Variants in ASB3 observed in about 807,000 individuals in gnomAD.
ASB3 encodes ankyrin repeat and SOCS box containing 3.
Under a neutral mutation model 54.5 loss-of-function variants are expected in ASB3, and 41 were observed. That is an observed-to-expected ratio of 0.75 (90% CI 0.59 to 0.98). The LOEUF (loss-of-function observed/expected upper bound fraction) is 0.98, where lower values mean the gene tolerates loss of function less well. ASB3 is among the 50% of genes least tolerant of loss of function. The pLI, the probability that ASB3 is intolerant of heterozygous loss-of-function variation, is 0.00. For synonymous variants in ASB3, 266 were observed against 221.2 expected, an observed-to-expected ratio of 1.20 and a Z score of -1.80; for missense variants, 733 against 620.0, an observed-to-expected ratio of 1.18 and a Z score of -1.94.
chr2:53,723,447 C>T (rs922516837), intron 5 of ASB3, among the ~76,000 whole-genome samples: 5 of 152,150 alleles, frequency 3.3e-5, no homozygotes, highest in East Asian at 1.9e-4. Context: ...GCAGTATACA[C>T]TGCACCCAAT....
intron 7 of ASB3, among the ~76,000 whole-genome samples, chr2:53,706,134 A>G (rs1669754890): frequency 6.6e-6 from 1 of 152,350 alleles, no homozygotes; most frequent in South Asian, 2.1e-4. Context: ...TTTAAAGATA[A>G]TGGAATGAGA....
intron 5 of ASB3, among the ~76,000 whole-genome samples, chr2:53,717,052 A>T (rs1268213298): frequency 6.6e-6 from 1 of 152,176 alleles, no homozygotes; most frequent in Non-Finnish European, 1.5e-5. Context: ...CCCTGTCTCT[A>T]TCAAAAATAA....
chr2:53,684,013 G>T (rs749109415), intron 9 of ASB3, among the ~76,000 whole-genome samples: 3 of 151,752 alleles, frequency 2.0e-5, no homozygotes, highest in African/African-American at 4.8e-5. Flanking sequence ...GTTTGCTCTG[G>T]CTTTTCTAGT....
In ASB3 at chr2:53,765,481, T is replaced by G. The variant is rs1447033314; in HGVS notation, c.92A>C (p.Lys31Thr). The G allele has an allele frequency of 8.1e-6, 13 of 1,614,120 alleles. No individual in the cohort carries two copies. Among genetic ancestry groups the G allele is most frequent in the Non-Finnish European group, 1.1e-5 (13 of 1,180,038 alleles). ...AGCAACATCGACACTTCGGCCCTTT[T>G]TGAGCAGTTTCCTTAAGACTTTAAC... ...GNVKVLRKLLKKGRSVDVADN... is the reference protein window; with the variant it reads ...GNVKVLRKLLTKGRSVDVADN... The change falls in exon 2 of 10, where the codon AAA (lysine) becomes ACA (threonine). Residue 31 changes from lysine (K) to threonine (T), a missense_variant. Coordinates refer to ENST00000263634, the MANE Select transcript of ASB3 (RefSeq NM_016115.5).
chr2:53,772,138 T>C (rs1281470468), intron 1 of ASB3, among the ~76,000 whole-genome samples: 1 of 152,070 alleles, frequency 6.6e-6, no homozygotes, highest in Non-Finnish European at 1.5e-5. Flanking sequence ...GAGTGCAAGG[T>C]AGACAACAAC....
chr2:53,781,774 C>G (rs564456049), intron 1 of ASB3, among the ~76,000 whole-genome samples: 1 of 152,186 alleles, frequency 6.6e-6, no homozygotes, highest in Non-Finnish European at 1.5e-5. Context: ...GGATTACAGG[C>G]GTGAGCCACC....
chr2:53,732,069 C>T (rs1256543568), intron 3 of ASB3, among the ~76,000 whole-genome samples: 2 of 152,154 alleles, frequency 1.3e-5, no homozygotes, highest in African/African-American at 2.4e-5. Flanking sequence ...TGCGATTCTT[C>T]TGCCTCAACC....
intron 1 of ASB3, among the ~76,000 whole-genome samples, chr2:53,772,200 A>G (rs1039420104): frequency 6.6e-6 from 1 of 152,066 alleles, no homozygotes; most frequent in African/African-American, 2.4e-5. Context: ...TTTGAGACAG[A>G]GTCTAGCTCT....
At chr2:53,763,571 T>C (rs1421999584) in intron 2 of ASB3, 1 of 169,352 alleles carries the variant, frequency 5.9e-6, no homozygotes, top group Admixed American at 6.5e-5. Flanking sequence ...TCCGTGGACA[T>C]TTTGGGACCA....
intron 2 of ASB3, among the ~76,000 whole-genome samples, chr2:53,758,590 A>G (rs1672967309): frequency 6.6e-6 from 1 of 152,208 alleles, no homozygotes. Context: ...CATGCTGGTA[A>G]AGGACCACTA....
At chr2:53,762,870 C>G (rs1403412709) in intron 2 of ASB3, among the ~76,000 whole-genome samples, 1 of 152,210 alleles carries the variant, frequency 6.6e-6, no homozygotes, top group Non-Finnish European at 1.5e-5. Flanking sequence ...CTTGAATGCT[C>G]TTCTCCAACT....
At chr2:53,712,745 AACACACACAC>A (rs3061604) in intron 7 of ASB3, among the ~76,000 whole-genome samples, 4 of 150,148 alleles carry the variant, frequency 2.7e-5, no homozygotes, top group South Asian at 2.1e-4. Context: ...CATCATATTG[AACACACACAC>A]ACACACACAC....
At position 53,670,561 on chromosome 2, in the gene ASB3, T is replaced by C. The variant is rs942042198; in HGVS notation, c.1499A>G (p.Tyr500Cys). 3 of 1,613,954 alleles carry C rather than the reference T, an allele frequency of 1.9e-6. No homozygotes were observed. Among genetic ancestry groups the C allele is most frequent in the South Asian group, 1.1e-5 (1 of 91,076 alleles). The change falls in exon 10 of 10, where the codon TAT becomes TGT. Residue 500 changes from tyrosine (Y) to cysteine (C), a missense_variant. By Grantham distance (194) the Tyr-to-Cys change is radical. Transcript: ENST00000263634. ...TTCATACATCCTCAGAACGTCTTCA[T>C]AGAGCAAATAATTATGTAGGCTTCT... ...LPRSLHNYLL[Y>C]EDVLRMYEVP...
intron 7 of ASB3, among the ~76,000 whole-genome samples, chr2:53,710,865 G>A (rs548872235): frequency 3.3e-5 from 5 of 152,118 alleles, no homozygotes; most frequent in East Asian, 1.9e-4. Context: ...TGTGGCTCAC[G>A]CCTGTAATCC....
intron 5 of ASB3, among the ~76,000 whole-genome samples, chr2:53,720,023 C>T (rs1670609526): frequency 6.6e-6 from 1 of 151,990 alleles, no homozygotes; most frequent in Non-Finnish European, 1.5e-5. Flanking sequence ...ACCTCCCTCA[C>T]AAGGAATTTC....
At chr2:53,723,880 C>T (rs984840741) in intron 5 of ASB3, among the ~76,000 whole-genome samples, 2 of 152,046 alleles carry the variant, frequency 1.3e-5, no homozygotes, top group Non-Finnish European at 2.9e-5. Context: ...TGGCTAGCTA[C>T]ATGTAGAAGA....
chr2:53,734,027 T>C (rs1449296759), intron 3 of ASB3, among the ~76,000 whole-genome samples: 3 of 152,252 alleles, frequency 2.0e-5, no homozygotes, highest in African/African-American at 2.4e-5. Flanking sequence ...CACGCTATTG[T>C]TTGTGGTTTA....
intron 9 of ASB3, among the ~76,000 whole-genome samples, chr2:53,680,711 CCTTT>C (rs1465559086): frequency 2.0e-5 from 3 of 152,106 alleles, no homozygotes; most frequent in Non-Finnish European, 2.9e-5. Flanking sequence ...AAGCATTTAT[CCTTT>C]CTTTGTGTTA....
At chr2:53,715,771 A>C (rs1321662226) in intron 6 of ASB3, among the ~76,000 whole-genome samples, 1 of 152,174 alleles carries the variant, frequency 6.6e-6, no homozygotes, top group Non-Finnish European at 1.5e-5. Flanking sequence ...GTACTGTGTC[A>C]CCTAGTGGCA....
Sources: allele counts gnomAD v4.1 joint callset (sites outside exome capture counted in the v4.1 genomes callset), GRCh38; gene constraint gnomAD v4.1.1; transcripts MANE v1.5; gene names NCBI Gene and HGNC (gene_info 2026-07-23, HGNC 2026-07-21).